Variants in ACTR3 observed in about 807,000 individuals in gnomAD.
ACTR3 encodes actin-related protein 3.
Under a neutral mutation model 56.8 loss-of-function variants are expected in ACTR3, and 12 were observed. That is an observed-to-expected ratio of 0.21 (90% confidence interval 0.14 to 0.34). The LOEUF (loss-of-function observed/expected upper bound fraction) is 0.34. Ranked by LOEUF, ACTR3 falls within the 10% of genes least tolerant of loss-of-function variation. The probability of loss-of-function intolerance (pLI) is 1.00; values close to 1 mark genes in which losing one functional copy is unlikely to be tolerated. For missense variants in ACTR3, 282 were observed against 512.5 expected, an observed-to-expected ratio of 0.55 and a Z score of 4.34; for synonymous variants, 162 against 167.4, an observed-to-expected ratio of 0.97 and a Z score of 0.25.
chr2:113,956,866 T>G (rs6747278), intron 11 of ACTR3, among the ~76,000 whole-genome samples: 8,855 of 152,240 alleles, frequency 0.058, 761 homozygotes, highest in African/African-American at 0.18. Flanking sequence ...GACTTTGCCT[T>G]GAGAAATGAG....
At chr2:113,914,614 CA>C (rs55784117) in intron 2 of ACTR3, among the ~76,000 whole-genome samples, 14,874 of 69,024 alleles carry the variant, frequency 0.22, 1,052 homozygotes, top group East Asian at 0.42. Context: ...GACTCAGTCT[CA>C]AAAAAAAAAA....
chr2:113,911,190 A>G (rs1432346769), intron 1 of ACTR3, among the ~76,000 whole-genome samples: 4 of 152,012 alleles, frequency 2.6e-5, no homozygotes, highest in Non-Finnish European at 4.4e-5. Flanking sequence ...AGCTGTTTTT[A>G]TGGTTAGGGA....
intron 7 of ACTR3, among the ~76,000 whole-genome samples, chr2:113,940,911 C>T (rs1012104702): frequency 4.0e-5 from 6 of 151,294 alleles, no homozygotes; most frequent in African/African-American, 1.5e-4. Context: ...GCCTCAAACT[C>T]CTGGGCTCAC....
chr2:113,952,011 AT>A (rs35758303), intron 10 of ACTR3, 166 bp downstream of exon 10: 56,695 of 894,012 alleles, frequency 0.063, 1,995 homozygotes, highest in African/African-American at 0.078. Context: ...ATTCTGGATC[AT>A]TTGATTCTTC....
At chr2:113,912,865 A>T (rs1170108413) in intron 1 of ACTR3, among the ~76,000 whole-genome samples, 1 of 152,150 alleles carries the variant, frequency 6.6e-6, no homozygotes, top group Non-Finnish European at 1.5e-5. Context: ...AGTTTGATTG[A>T]TATTTAGGTT....
chr2:113,946,766 G>C (rs771144524), intron 8 of ACTR3, among the ~76,000 whole-genome samples: 1 of 152,070 alleles, frequency 6.6e-6, no homozygotes, highest in Non-Finnish European at 1.5e-5. Flanking sequence ...GCCCATACCC[G>C]TGTCCAGAAT....
At chr2:113,897,733 G>A (rs940772555) in intron 1 of ACTR3, among the ~76,000 whole-genome samples, 3 of 151,704 alleles carry the variant, frequency 2.0e-5, no homozygotes, top group African/African-American at 7.3e-5. Flanking sequence ...CACCATATTG[G>A]CCAGGCTGAT....
intron 2 of ACTR3, among the ~76,000 whole-genome samples, chr2:113,915,907 C>A (rs1220191338): frequency 1.3e-5 from 2 of 152,140 alleles, no homozygotes; most frequent in East Asian, 1.9e-4. Flanking sequence ...AGAGACATTG[C>A]CACTGTCTTT....
chr2:113,931,050 A>G (rs899509677), intron 4 of ACTR3, among the ~76,000 whole-genome samples: 8 of 151,972 alleles, frequency 5.3e-5, no homozygotes, highest in African/African-American at 1.7e-4. Context: ...TTTAATCTGT[A>G]TAAGTGGTAT....
intron 8 of ACTR3, among the ~76,000 whole-genome samples, chr2:113,942,684 A>G (rs939620426): frequency 3.9e-5 from 6 of 152,020 alleles, no homozygotes; most frequent in African/African-American, 1.4e-4. Context: ...TTGTAATTGA[A>G]ATAAAATATT....
chr2:113,940,506 A>G (rs1317019548), intron 7 of ACTR3, among the ~76,000 whole-genome samples: 3 of 152,166 alleles, frequency 2.0e-5, no homozygotes, highest in Admixed American at 6.5e-5. Flanking sequence ...TCATTGTGCT[A>G]TAGTATAGAA....
chr2:113,943,756 A>G (rs181559913), intron 8 of ACTR3, among the ~76,000 whole-genome samples: 1 of 152,354 alleles, frequency 6.6e-6, no homozygotes, highest in Non-Finnish European at 1.5e-5. Context: ...AATTTGTAAT[A>G]CTGAAGGGGA....
chr2:113,948,924 C>T, intron 8 of ACTR3, among the ~76,000 whole-genome samples: 1 of 74,516 alleles, frequency 1.3e-5, no homozygotes, highest in Non-Finnish European at 2.2e-5. Flanking sequence ...CCCTTTCCCT[C>T]TCTCTTGTGT....
chr2:113,919,387 G>A (rs1679465551), intron 3 of ACTR3, among the ~76,000 whole-genome samples: 3 of 151,036 alleles, frequency 2.0e-5, no homozygotes, highest in Admixed American at 2.0e-4. Context: ...TTTCTTTTTT[G>A]TTCTTGCCAT....
At chr2:113,909,216 G>A (rs753019524) in intron 1 of ACTR3, among the ~76,000 whole-genome samples, 5 of 152,104 alleles carry the variant, frequency 3.3e-5, no homozygotes, top group Non-Finnish European at 7.4e-5. Context: ...ATTGGATACT[G>A]TATGCATTTA....
chr2:113,906,786 A>C (rs535586720), intron 1 of ACTR3, among the ~76,000 whole-genome samples: 1 of 152,094 alleles, frequency 6.6e-6, no homozygotes, highest in South Asian at 2.1e-4. Context: ...TATATGTGAG[A>C]GTTTATTTCT....
rs115776252 is a variant in ACTR3 at position 113,932,696 on chromosome 2, G to A, written c.432+1300G>A. Reference sequence around the variant, plus strand: ...AAGTGATCAGAGATAATTCTTGGTTGTAGATGATAGTTTTGAACTTACTTA... The same window carrying A: ...AAGTGATCAGAGATAATTCTTGGTTATAGATGATAGTTTTGAACTTACTTA... On this transcript the variant is annotated intron_variant, in intron 5 of 11. Coordinates refer to ENST00000263238, the MANE Select transcript of ACTR3 (RefSeq NM_005721.5). Among the ~76,000 whole-genome samples, 1,179 of 152,238 alleles carry A rather than the reference G, an allele frequency of 7.7e-3. 14 individuals carry two copies. The highest frequency in any genetic ancestry group is 0.026 in the African/African-American group (1,074 of 41,532).
At chr2:113,908,078 A>G (rs1679232884) in intron 1 of ACTR3, among the ~76,000 whole-genome samples, 2 of 151,568 alleles carry the variant, frequency 1.3e-5, no homozygotes, top group Admixed American at 1.3e-4. Context: ...ACATGTATAT[A>G]TGCTTAGAGA....
At chr2:113,926,738 C>T (rs972456331) in intron 3 of ACTR3, among the ~76,000 whole-genome samples, 14 of 152,152 alleles carry the variant, frequency 9.2e-5, no homozygotes, top group African/African-American at 2.4e-4. Context: ...TACCACCTCT[C>T]GATACTATAA....
Sources: gnomAD v4.1 joint callset for allele counts (sites outside exome capture counted in the v4.1 genomes callset) on GRCh38, gnomAD v4.1.1 for gene constraint, MANE v1.5 for transcripts, NCBI Gene and HGNC (gene_info 2026-07-23, HGNC 2026-07-21) for gene names.